Variants in MCCC2 observed in about 807,000 individuals in gnomAD.
MCCC2 encodes the protein methylcrotonyl-CoA carboxylase subunit 2, also known as methylcrotonoyl-CoA carboxylase beta chain, mitochondrial.
In MCCC2, 52 loss-of-function variants were observed where a neutral mutation model predicts 77.2. That is an observed-to-expected ratio of 0.67 (90% CI 0.54 to 0.85). The LOEUF (loss-of-function observed/expected upper bound fraction) is 0.85, where lower values mean the gene tolerates loss of function less well. Among genes scored for constraint, MCCC2 ranks in the 40% least tolerant of loss-of-function variants. The probability of loss-of-function intolerance (pLI) is 0.00; values close to 1 mark genes in which losing one functional copy is unlikely to be tolerated. For synonymous variants in MCCC2, 253 were observed against 248.4 expected (o/e 1.02, Z -0.18); for missense variants, 682 against 703.2 (o/e 0.97, Z 0.34).
At chr5:71,638,259 A>G (rs1174775388) in intron 10 of MCCC2, among the ~76,000 whole-genome samples, 2 of 152,186 alleles carry the variant, frequency 1.3e-5, no homozygotes, top group Non-Finnish European at 2.9e-5. Flanking sequence ...TTCTAACTCT[A>G]GTTATCTCCA....
intron 6 of MCCC2, among the ~76,000 whole-genome samples, chr5:71,607,261 A>G (rs1170188326): frequency 6.6e-6 from 1 of 152,044 alleles, no homozygotes; most frequent in South Asian, 2.1e-4. Flanking sequence ...AGCTCCTGTT[A>G]TTGGTCTATT....
At chr5:71,588,620 G>A (rs546001585) in intron 1 of MCCC2, among the ~76,000 whole-genome samples, 1 of 152,210 alleles carries the variant, frequency 6.6e-6, no homozygotes, top group Non-Finnish European at 1.5e-5. Context: ...GTGGTACAGT[G>A]TAAGAAGGGT....
At chr5:71,591,473 GT>G (rs1744980741) in intron 1 of MCCC2, among the ~76,000 whole-genome samples, 1 of 89,674 alleles carries the variant, frequency 1.1e-5, no homozygotes, top group Non-Finnish European at 2.1e-5. Context: ...TTTTGCTCTT[GT>G]TGCCCAGGCT....
chr5:71,589,824 T>C (rs1427438828), intron 1 of MCCC2, among the ~76,000 whole-genome samples: 1 of 152,168 alleles, frequency 6.6e-6, no homozygotes, highest in African/African-American at 2.4e-5. Flanking sequence ...GGGAAAACTG[T>C]GGTATATAGG....
At chr5:71,638,030 A>G (rs1746991019) in intron 10 of MCCC2, among the ~76,000 whole-genome samples, 2 of 152,272 alleles carry the variant, frequency 1.3e-5, no homozygotes, top group South Asian at 2.1e-4. Context: ...AACTTTCAAA[A>G]TGAGTCAGTC....
intron 6 of MCCC2, among the ~76,000 whole-genome samples, chr5:71,620,013 A>G (rs1022388081): frequency 1.3e-5 from 2 of 151,970 alleles, no homozygotes; most frequent in Non-Finnish European, 2.9e-5. Flanking sequence ...ATGAATTTCA[A>G]CCTGTGATGG....
chr5:71,633,416 C>T (rs80225238), intron 8 of MCCC2, among the ~76,000 whole-genome samples: 143 of 152,060 alleles, frequency 9.4e-4, no homozygotes, highest in African/African-American at 3.4e-3. Flanking sequence ...GTCTCATTTC[C>T]TCATAGATAA....
chr5:71,617,953 T>A (rs1232511493), intron 6 of MCCC2, among the ~76,000 whole-genome samples: 1 of 152,218 alleles, frequency 6.6e-6, no homozygotes, highest in East Asian at 1.9e-4. Context: ...AACTAGGTAC[T>A]TACTTTTATG....
chr5:71,603,248 T>TA (rs999870799), intron 5 of MCCC2, among the ~76,000 whole-genome samples: 39 of 149,592 alleles, frequency 2.6e-4, no homozygotes, highest in African/African-American at 5.9e-4. Flanking sequence ...TCGTCTCTAC[T>TA]AAAAAAAAAT....
rs893112983 is a variant in MCCC2, at chr5:71,649,273, C to G, written c.1373+20C>G. 6.2e-7 allele frequency: 1 copy of G among 1,609,318 alleles called. No homozygotes were observed. The highest frequency in any genetic ancestry group is 8.5e-7 in the Non-Finnish European group (1 of 1,175,746). On this transcript the variant is annotated intron_variant, in intron 14 of 16. Coordinates refer to ENST00000340941, the MANE Select transcript of MCCC2 (RefSeq NM_022132.5). ...ATATAGGTAGGTGTCATGATTTTCT[C>G]TGAAACAAAGAAACATGCTTCAAGT...
Position 71,593,411 on chromosome 5 carries a change from A to T in MCCC2, c.196+419A>T, listed in dbSNP as rs1052316752. ...GGCTGAGCTTTTGACTCTTAAGACTATGCATTTGTTGGTATGCAGGCATTT... is the reference window on the plus strand; with the variant it reads ...GGCTGAGCTTTTGACTCTTAAGACTTTGCATTTGTTGGTATGCAGGCATTT... On this transcript the variant is annotated intron_variant, in intron 2 of 16. Coordinates refer to ENST00000340941, the MANE Select transcript of MCCC2 (RefSeq NM_022132.5). Among the ~76,000 whole-genome samples the T allele has an allele frequency of 5.5e-4, 84 of 151,978 alleles. 1 individual carries two copies. Among genetic ancestry groups the T allele is most frequent in the African/African-American group, 1.9e-3 (79 of 41,460 alleles).
chr5:71,628,328 T>A (rs1163162108), intron 7 of MCCC2, among the ~76,000 whole-genome samples: 2 of 152,290 alleles, frequency 1.3e-5, no homozygotes, highest in Admixed American at 6.5e-5. Context: ...CTGTAGGTTG[T>A]CTTTTTTACT....
rs561681633 is a variant in MCCC2, at chr5:71,602,142, C to T, written c.384-364C>T. Among the ~76,000 whole-genome samples the T allele has an allele frequency of 1.0e-3, 156 of 151,988 alleles. 2 individuals carry two copies. Among genetic ancestry groups the T allele is most frequent in the Non-Finnish European group, 1.6e-3 (111 of 67,954 alleles). ...GTTTATTATGAGGGAATTCTTTTCC[C>T]TTGAGACTTGGATTTTTTTTTTCAT... On this transcript the variant is annotated intron_variant, in intron 4 of 16. Transcript: ENST00000340941.
intron 16 of MCCC2, among the ~76,000 whole-genome samples, chr5:71,653,104 A>C (rs1294025064): frequency 1.3e-4 from 20 of 152,218 alleles, no homozygotes; most frequent in Admixed American, 1.2e-3. Flanking sequence ...GTGTTACTTC[A>C]GAAGTTCTAA....
intron 1 of MCCC2, among the ~76,000 whole-genome samples, chr5:71,588,556 G>A (rs1468064535): frequency 6.6e-6 from 1 of 152,172 alleles, no homozygotes; most frequent in Non-Finnish European, 1.5e-5. Flanking sequence ...GCATGGATGC[G>A]TAGGAATGGA....
At chr5:71,637,045 A>G (rs1407907141) in intron 10 of MCCC2, among the ~76,000 whole-genome samples, 2 of 152,112 alleles carry the variant, frequency 1.3e-5, no homozygotes, top group East Asian at 1.9e-4. Context: ...CACCTGGCCA[A>G]TTAATACATT....
intron 6 of MCCC2, among the ~76,000 whole-genome samples, chr5:71,608,516 T>C (rs1479392283): frequency 6.7e-6 from 1 of 150,368 alleles, no homozygotes; most frequent in Admixed American, 6.7e-5. Context: ...CTGATGGGTC[T>C]TGACTCTTTA....
At chr5:71,652,878 C>T (rs1444902764) in intron 16 of MCCC2, 124 bp downstream of exon 16, 1 of 847,498 alleles carries the variant, frequency 1.2e-6, no homozygotes, top group Non-Finnish European at 2.0e-6. Context: ...AACATTTGGA[C>T]ACACTTAATT....
chr5:71,610,413 G>C (rs980339173), intron 6 of MCCC2, among the ~76,000 whole-genome samples: 2 of 152,142 alleles, frequency 1.3e-5, no homozygotes, highest in Non-Finnish European at 2.9e-5. Context: ...GCAATGCCTC[G>C]CCCTGCTTCG....
Sources: allele counts gnomAD v4.1 joint callset (sites outside exome capture counted in the v4.1 genomes callset), GRCh38; gene constraint gnomAD v4.1.1; transcripts MANE v1.5; gene names NCBI Gene and HGNC (gene_info 2026-07-23, HGNC 2026-07-21).